The following GSE1 variants were observed in gnomAD, a reference collection of about 807,000 sequenced individuals.
GSE1 encodes genetic suppressor element 1.
GSE1 carries 32 observed loss-of-function variants against 112.6 expected under a neutral mutation model. That is an observed-to-expected ratio of 0.28 (90% CI 0.21 to 0.38). The LOEUF (loss-of-function observed/expected upper bound fraction) is 0.38. Ranked by LOEUF, GSE1 falls within the 10% of genes least tolerant of loss-of-function variation. The pLI, the probability that GSE1 is intolerant of heterozygous loss-of-function variation, is 1.00. For synonymous variants in GSE1, 1,115 were observed against 735.6 expected (o/e 1.52, Z -8.35); for missense variants, 2,348 against 1,699.2 (o/e 1.38, Z -6.71).
chr16:85,500,393 C>CAGT (rs2051320140), intron 2 of GSE1, among the ~76,000 whole-genome samples: 1 of 152,152 alleles, frequency 6.6e-6, no homozygotes, highest in Admixed American at 6.5e-5. Context: ...GGAAGTGCAC[C>CAGT]AGTAATTGGC....
At chr16:85,495,999 A>C (rs934964210) in intron 2 of GSE1, among the ~76,000 whole-genome samples, 1 of 152,054 alleles carries the variant, frequency 6.6e-6, no homozygotes, top group African/African-American at 2.4e-5. Flanking sequence ...CCGCGGGGGG[A>C]CCTGCCTCAG....
upstream of GSE1, among the ~76,000 whole-genome samples, chr16:85,607,367 C>G (rs2047751655): frequency 1.3e-5 from 2 of 152,222 alleles, no homozygotes; most frequent in Non-Finnish European, 2.9e-5. Context: ...CCTCTCCCGC[C>G]CGCTTTCCAG....
chr16:85,608,394 G>A (rs1271274836), upstream of GSE1, among the ~76,000 whole-genome samples: 2 of 152,196 alleles, frequency 1.3e-5, no homozygotes, highest in Non-Finnish European at 1.5e-5. Flanking sequence ...ATACAGGGGA[G>A]CTGGGTGAAT....
intron 1 of GSE1, among the ~76,000 whole-genome samples, chr16:85,314,601 C>G (rs546553111): frequency 1.3e-5 from 2 of 152,350 alleles, no homozygotes; most frequent in East Asian, 3.9e-4. Flanking sequence ...AACACACCCA[C>G]AGGCTCCCTC....
chr16:85,207,552 G>T (rs936367783), intron 1 of GSE1, among the ~76,000 whole-genome samples: 1 of 88,978 alleles, frequency 1.1e-5, no homozygotes, highest in Non-Finnish European at 2.3e-5. Context: ...TGCCCCAGCG[G>T]CAGGAGATCT....
intron 1 of GSE1, among the ~76,000 whole-genome samples, chr16:85,277,904 C>T (rs1294140613): frequency 1.3e-5 from 2 of 152,228 alleles, no homozygotes; most frequent in Admixed American, 6.5e-5. Context: ...TTCCTCCTGG[C>T]CTCCACCTCG....
intron 1 of GSE1, among the ~76,000 whole-genome samples, chr16:85,301,647 G>A (rs1253502706): frequency 1.3e-5 from 2 of 152,190 alleles, no homozygotes; most frequent in Admixed American, 1.3e-4. Context: ...TCTGTCCCTC[G>A]TCTCGGCTCT....
chr16:85,276,252 G>C (rs1008958979), intron 1 of GSE1, among the ~76,000 whole-genome samples: 1 of 152,260 alleles, frequency 6.6e-6, no homozygotes, highest in Non-Finnish European at 1.5e-5. Flanking sequence ...ATTGCTTTCT[G>C]AACTGTTTGA....
intron 1 of GSE1, among the ~76,000 whole-genome samples, chr16:85,193,097 C>A (rs1250719242): frequency 6.6e-6 from 1 of 152,114 alleles, no homozygotes; most frequent in East Asian, 1.9e-4. Context: ...TACAGTGTAC[C>A]CAGCCATCGG....
chr16:85,353,859 C>G (rs2046898846), intron 1 of GSE1, among the ~76,000 whole-genome samples: 1 of 152,224 alleles, frequency 6.6e-6, no homozygotes, highest in Admixed American at 6.5e-5. Flanking sequence ...GATGTGTGTT[C>G]CAACCTCCTG....
chr16:85,575,019 C>A (rs2046166094), intron 1 of GSE1, among the ~76,000 whole-genome samples: 2 of 152,210 alleles, frequency 1.3e-5, no homozygotes, highest in South Asian at 2.1e-4. Flanking sequence ...TTAATCCCCT[C>A]GCTGGGGAGC....
chr16:85,555,027 G>T (rs2045129907), upstream of GSE1: 2 of 985,246 alleles, frequency 2.0e-6, no homozygotes, highest in Non-Finnish European at 1.2e-6. Context: ...CGCGCGGGGG[G>T]AAGCTCGCAA....
intron 1 of GSE1, among the ~76,000 whole-genome samples, chr16:85,574,049 C>T (rs1405349400): frequency 6.6e-6 from 1 of 152,202 alleles, no homozygotes; most frequent in Non-Finnish European, 1.5e-5. Flanking sequence ...GAGGCCCGCT[C>T]CCCACACATG....
At chr16:85,389,583 C>T (rs1190303956) in intron 2 of GSE1, among the ~76,000 whole-genome samples, 1 of 152,134 alleles carries the variant, frequency 6.6e-6, no homozygotes, top group Non-Finnish European at 1.5e-5. Context: ...AGCATCTTCC[C>T]GTGGCCATGT....
chr16:85,649,231 C>T (rs1052934306), intron 3 of GSE1, among the ~76,000 whole-genome samples: 17 of 152,140 alleles, frequency 1.1e-4, no homozygotes, highest in African/African-American at 4.1e-4. Flanking sequence ...ACCGTGTCTC[C>T]AAATGCAGTT....
chr16:85,420,699 G>A (rs574687316), intron 2 of GSE1, among the ~76,000 whole-genome samples: 9 of 152,320 alleles, frequency 5.9e-5, no homozygotes, highest in East Asian at 1.9e-4. Context: ...CCTGTGATCC[G>A]TCAGCACTCT....
chr16:85,545,080 C>A (rs1177166370), intron 2 of GSE1, among the ~76,000 whole-genome samples: 1 of 152,232 alleles, frequency 6.6e-6, no homozygotes, highest in African/African-American at 2.4e-5. Context: ...TGTGGACAAC[C>A]AGGGCTGTCT....
chr16:85,348,719 G>C (rs1021023286), intron 1 of GSE1, among the ~76,000 whole-genome samples: 3 of 152,194 alleles, frequency 2.0e-5, no homozygotes, highest in Non-Finnish European at 2.9e-5. Context: ...GCTCTGGATC[G>C]TGCTTTTGTG....
At chr16:85,536,278 C>T (rs1472661182) in intron 2 of GSE1, among the ~76,000 whole-genome samples, 4 of 152,170 alleles carry the variant, frequency 2.6e-5, no homozygotes, top group Admixed American at 6.5e-5. Context: ...CAGGAGGTGT[C>T]GACTGGGGCT....
Sources: allele counts gnomAD v4.1 joint callset (sites outside exome capture counted in the v4.1 genomes callset), GRCh38; gene constraint gnomAD v4.1.1; transcripts MANE v1.5; gene names NCBI Gene and HGNC (gene_info 2026-07-23, HGNC 2026-07-21).